DSCAM: variants seen among roughly 807,000 people sequenced by gnomAD.
DSCAM encodes DS cell adhesion molecule.
DSCAM carries 47 observed loss-of-function variants against 217.7 expected under a neutral mutation model. That is an observed-to-expected ratio of 0.22 (90% CI 0.17 to 0.28). The LOEUF (loss-of-function observed/expected upper bound fraction) is 0.28, where lower values mean the gene tolerates loss of function less well. DSCAM is among the 10% of genes least tolerant of loss of function. DSCAM has a pLI of 1.00. For missense variants in DSCAM, 2,080 were observed against 2,618.3 expected, an observed-to-expected ratio of 0.79 and a Z score of 4.49; for synonymous variants, 1,056 against 1,015.3, an observed-to-expected ratio of 1.04 and a Z score of -0.76.
chr21:40,474,635 T>C (rs566359829), intron 3 of DSCAM, among the ~76,000 whole-genome samples: 45 of 152,272 alleles, frequency 3.0e-4, no homozygotes, highest in African/African-American at 1.1e-3. Flanking sequence ...TCCATTCTGG[T>C]GCCTCACAAA....
At chr21:40,067,730 TCCCTCCCCTCATTCCCTCCC>T (rs2089230332) in intron 27 of DSCAM, among the ~76,000 whole-genome samples, 4 of 49,892 alleles carry the variant, frequency 8.0e-5, no homozygotes, top group Admixed American at 2.7e-4. Context: ...CCTCATTCCC[TCCCTCCCCTCATTCCCTCCC>T]TCCCTCCCTC....
At chr21:40,306,829 C>T (rs1189160983) in intron 9 of DSCAM, among the ~76,000 whole-genome samples, 1 of 149,396 alleles carries the variant, frequency 6.7e-6, no homozygotes, top group African/African-American at 2.5e-5. Flanking sequence ...TGATGTGCTG[C>T]TGGATTCGGT....
chr21:40,649,418 A>G (rs2089987986), intron 3 of DSCAM, among the ~76,000 whole-genome samples: 1 of 152,228 alleles, frequency 6.6e-6, no homozygotes, highest in African/African-American at 2.4e-5. Context: ...GGCCAACGTC[A>G]TTAGATAATG....
At chr21:40,173,708 C>G (rs149691587) in intron 15 of DSCAM, among the ~76,000 whole-genome samples, 1 of 152,274 alleles carries the variant, frequency 6.6e-6, no homozygotes, top group Non-Finnish European at 1.5e-5. Context: ...CACCCCAGCT[C>G]AGCACATAGG....
chr21:40,432,622 C>T (rs1299911838), intron 3 of DSCAM, among the ~76,000 whole-genome samples: 3 of 152,194 alleles, frequency 2.0e-5, no homozygotes, highest in Non-Finnish European at 2.9e-5. Flanking sequence ...TTCAGCCTAT[C>T]ATATAGGACA....
In DSCAM at chr21:40,233,497, T is replaced by TAC. The variant is rs201126433; in HGVS notation, c.2356+42598_2356+42599dup. Among the ~76,000 whole-genome samples, 71 of 152,086 alleles carry TAC rather than the reference T, an allele frequency of 4.7e-4. 1 individual carries two copies. The highest frequency in any genetic ancestry group is 8.5e-4 in the Non-Finnish European group (58 of 67,964). ...TGCTTCAATATGTTCTTATGTATGA[T>TAC]ACACACACACACAACACGTAATATT... On this transcript the variant is annotated intron_variant, in intron 11 of 32. Coordinates refer to ENST00000400454, the MANE Select transcript of DSCAM (RefSeq NM_001389.5).
At chr21:40,760,018 A>G (rs891798285) in intron 1 of DSCAM, among the ~76,000 whole-genome samples, 1 of 149,908 alleles carries the variant, frequency 6.7e-6, no homozygotes, top group Non-Finnish European at 1.5e-5. Context: ...TTTATGAGAC[A>G]GAGTCTTGCT....
At chr21:40,639,266 C>T (rs1218896660) in intron 3 of DSCAM, among the ~76,000 whole-genome samples, 2 of 152,084 alleles carry the variant, frequency 1.3e-5, no homozygotes, top group African/African-American at 4.8e-5. Context: ...TATTTCTCTC[C>T]CATCACTGTA....
rs996499818 is a variant in DSCAM, at chr21:40,610,227, G to A, written c.508+82583C>T. Among the ~76,000 whole-genome samples, 5 of 152,176 alleles carry A rather than the reference G, an allele frequency of 3.3e-5. No homozygotes were observed. The South Asian group carries it at 8.3e-4, about 25-fold the overall frequency. On this transcript the variant is annotated intron_variant, in intron 3 of 32. Transcript: ENST00000400454. ...AAGAAAAAAATGCCCACATTTCTGG[G>A]AGGAAATTGCAGACCATCTGCTGCC...
At chr21:40,573,935 T>C (rs1028255642) in intron 3 of DSCAM, among the ~76,000 whole-genome samples, 19 of 152,106 alleles carry the variant, frequency 1.2e-4, no homozygotes, top group African/African-American at 3.9e-4. Flanking sequence ...CAAGAAAAAA[T>C]AGAACATCTA....
In DSCAM at chr21:40,351,362, G is replaced by A. The variant is rs139237229; in HGVS notation, c.934+2103C>T. Among the ~76,000 whole-genome samples the A allele has an allele frequency of 3.3e-5, 5 of 152,276 alleles. No homozygotes were observed. In the South Asian group the frequency reaches 6.2e-4, roughly 19 times the overall value. On this transcript the variant is annotated intron_variant, in intron 5 of 32. Transcript: ENST00000400454. The stretch of plus-strand genomic sequence containing the variant: ...TAACAAGAGCCATTTGGAAGGAAGA[G>A]GTGGTGGAGAGTTCAGTTTGGTATC...
At chr21:40,156,287 CAGAGAGAGAG>C (rs749781848) in intron 16 of DSCAM, among the ~76,000 whole-genome samples, 3,734 of 75,782 alleles carry the variant, frequency 0.049, 67 homozygotes, top group Middle Eastern at 0.068. Context: ...CAAACTAAGA[CAGAGAGAGAG>C]AGAGAGAGAG....
chr21:40,845,608 T>TTC (rs376598490), intron 1 of DSCAM, among the ~76,000 whole-genome samples: 18 of 147,700 alleles, frequency 1.2e-4, no homozygotes, highest in Middle Eastern at 3.4e-3. Context: ...CCTCCTCTCT[T>TTC]TCTCTCTCTC....
At chr21:40,692,222 T>C (rs1225741329) in intron 3 of DSCAM, among the ~76,000 whole-genome samples, 1 of 152,210 alleles carries the variant, frequency 6.6e-6, no homozygotes, top group East Asian at 1.9e-4. Flanking sequence ...TCAACACCAT[T>C]AGAAATGAAG....
In DSCAM at chr21:40,678,816, G is replaced by A. The variant is rs552292048; in HGVS notation, c.508+13994C>T. ...AAACTGAAAGTAAAGTCTGAGGCTC[G>A]TGGTGTGGCTATGGATTCAGTGCAT... On this transcript the variant is annotated intron_variant, in intron 3 of 32. Transcript: ENST00000400454. Among the ~76,000 whole-genome samples, 12 of 152,298 alleles carry A rather than the reference G, an allele frequency of 7.9e-5. No homozygotes were observed. The East Asian group carries it at 1.2e-3, about 15-fold the overall frequency.
chr21:40,615,436 GA>G (rs1259370119), intron 3 of DSCAM: 3 of 139,696 alleles, frequency 2.1e-5, no homozygotes, highest in East Asian at 2.1e-4. Flanking sequence ...AATCTGAAAA[GA>G]AAAAAAGAGC....
At position 40,438,331 on chromosome 21, in the gene DSCAM, T is replaced by C. The variant is rs142302156; in HGVS notation, c.509-69086A>G. ...CCATAGATGCAACGATCATGTGTTA[T>C]GTTAATCTTGGTATCTTGGAGGTCT... On this transcript the variant is annotated intron_variant, in intron 3 of 32. Coordinates refer to ENST00000400454, the MANE Select transcript of DSCAM (RefSeq NM_001389.5). Among the ~76,000 whole-genome samples, 1,260 of 152,346 alleles carry C rather than the reference T, an allele frequency of 8.3e-3. 53 individuals carry two copies. The highest frequency in any genetic ancestry group is 0.073 in the Admixed American group (1,121 of 15,302).
At chr21:40,495,618 G>A (rs1190731381) in intron 3 of DSCAM, among the ~76,000 whole-genome samples, 5 of 152,072 alleles carry the variant, frequency 3.3e-5, no homozygotes, top group Admixed American at 6.5e-5. Flanking sequence ...CTAATATCAG[G>A]AAGAAAATAA....
At chr21:40,552,722 A>G (rs191294866) in intron 3 of DSCAM, among the ~76,000 whole-genome samples, 84 of 152,350 alleles carry the variant, frequency 5.5e-4, no homozygotes, top group Non-Finnish European at 9.3e-4. Context: ...GAAAATTCTT[A>G]TCTAGATGAA....
Sources: gnomAD v4.1 joint callset for allele counts (sites outside exome capture counted in the v4.1 genomes callset) on GRCh38, gnomAD v4.1.1 for gene constraint, MANE v1.5 for transcripts, NCBI Gene and HGNC (gene_info 2026-07-23, HGNC 2026-07-21) for gene names.